CHRM3: variants seen among roughly 807,000 people sequenced by gnomAD.
CHRM3 encodes muscarinic acetylcholine receptor M3.
Under a neutral mutation model 41.8 loss-of-function variants are expected in CHRM3, and 11 were observed. That is an observed-to-expected ratio of 0.26 (90% CI 0.17 to 0.44). CHRM3 has a LOEUF of 0.44. CHRM3 is among the 20% of genes least tolerant of loss of function. CHRM3 has a pLI of 1.00. For missense variants in CHRM3, 571 were observed against 745.4 expected, an observed-to-expected ratio of 0.77 and a Z score of 2.72; for synonymous variants, 297 against 301.4, an observed-to-expected ratio of 0.99 and a Z score of 0.15.
At chr1:239,520,476 C>T (rs947227884) in intron 2 of CHRM3, among the ~76,000 whole-genome samples, 1 of 152,092 alleles carries the variant, frequency 6.6e-6, no homozygotes, top group Admixed American at 6.5e-5. Flanking sequence ...CTCTTGCTCC[C>T]AATCCCTCCA....
intron 6 of CHRM3, among the ~76,000 whole-genome samples, chr1:239,878,736 G>A (rs1255634307): frequency 2.2e-4 from 34 of 152,028 alleles, no homozygotes; most frequent in Admixed American, 2.2e-3. Flanking sequence ...TTAAGACCAG[G>A]CTTCTGCCCT....
At chr1:239,883,061 A>G (rs1677779128) in intron 6 of CHRM3, among the ~76,000 whole-genome samples, 3 of 152,242 alleles carry the variant, frequency 2.0e-5, no homozygotes, top group African/African-American at 7.2e-5. Flanking sequence ...ATAGTTCAGG[A>G]GAATTTTCTG....
chr1:239,848,898 A>G (rs12089760), intron 6 of CHRM3, among the ~76,000 whole-genome samples: 4,762 of 152,282 alleles, frequency 0.031, 251 homozygotes, highest in African/African-American at 0.11. Context: ...AGTTTTGAAC[A>G]TTCTTGGTCC....
intron 4 of CHRM3, among the ~76,000 whole-genome samples, chr1:239,666,503 T>G (rs1254652088): frequency 6.6e-6 from 1 of 152,102 alleles, no homozygotes. Flanking sequence ...GTTACTTATT[T>G]CTGGACAGTG....
At chr1:239,636,092 C>A (rs960771647) in intron 4 of CHRM3, among the ~76,000 whole-genome samples, 1 of 152,138 alleles carries the variant, frequency 6.6e-6, no homozygotes, top group African/African-American at 2.4e-5. Flanking sequence ...CATTTCTGAT[C>A]TATAATATTG....
chr1:239,895,094 T>C (rs12072293), intron 6 of CHRM3, among the ~76,000 whole-genome samples: 83,467 of 151,814 alleles, frequency 0.55, 24,074 homozygotes, highest in African/African-American at 0.75. Context: ...CATGACCAGA[T>C]GGACATTTGA....
chr1:239,504,952 A>G (rs1410342104), intron 2 of CHRM3, among the ~76,000 whole-genome samples: 1 of 152,078 alleles, frequency 6.6e-6, no homozygotes, highest in Non-Finnish European at 1.5e-5. Flanking sequence ...GACTACAAAT[A>G]TGGTGCAGTG....
chr1:239,806,183 A>T (rs962711066), intron 5 of CHRM3, among the ~76,000 whole-genome samples: 2 of 152,172 alleles, frequency 1.3e-5, no homozygotes, highest in Non-Finnish European at 2.9e-5. Context: ...CCTTTTTCCC[A>T]GCTTTGAACA....
chr1:239,896,545 T>C (rs1679020253), intron 6 of CHRM3, among the ~76,000 whole-genome samples: 1 of 152,212 alleles, frequency 6.6e-6, no homozygotes, highest in Non-Finnish European at 1.5e-5. Context: ...GACCTGATTC[T>C]TGAAGAGATG....
intron 5 of CHRM3, among the ~76,000 whole-genome samples, chr1:239,694,811 T>G (rs1013928930): frequency 1.3e-5 from 2 of 152,202 alleles, no homozygotes; most frequent in African/African-American, 4.8e-5. Context: ...AAAATCAGTA[T>G]CTTTTATTTT....
At position 239,457,970 on chromosome 1, in the gene CHRM3, T is replaced by C. The variant is rs577034636; in HGVS notation, c.-520-34739T>C. Reference sequence around the variant, plus strand: ...TTGTTTCTTATGGGAAGGTAGAAATTTGTGGGCTTCAATTCAGTCTCAGTT... The same window carrying C: ...TTGTTTCTTATGGGAAGGTAGAAATCTGTGGGCTTCAATTCAGTCTCAGTT... On this transcript the variant is annotated intron_variant, in intron 1 of 6. Coordinates refer to ENST00000676153, the MANE Select transcript of CHRM3 (RefSeq NM_001375978.1). Among the ~76,000 whole-genome samples, 3 of 152,190 alleles carry C rather than the reference T, an allele frequency of 2.0e-5. No individual in the cohort carries two copies. In the South Asian group the frequency reaches 6.2e-4, roughly 32 times the overall value.
intron 1 of CHRM3, among the ~76,000 whole-genome samples, chr1:239,460,021 G>A (rs1473176970): frequency 6.6e-6 from 1 of 152,118 alleles, no homozygotes; most frequent in Admixed American, 6.6e-5. Flanking sequence ...GGTACCAAGG[G>A]AGAAATCAAG....
chr1:239,496,433 T>C (rs956930576), intron 2 of CHRM3, among the ~76,000 whole-genome samples: 3 of 152,066 alleles, frequency 2.0e-5, no homozygotes, highest in Non-Finnish European at 4.4e-5. Context: ...CTGAAGAAGA[T>C]AATTGTACAA....
intron 6 of CHRM3, among the ~76,000 whole-genome samples, chr1:239,845,462 C>T (rs1043563805): frequency 6.6e-6 from 1 of 152,168 alleles, no homozygotes; most frequent in African/African-American, 2.4e-5. Flanking sequence ...CCTGAATCCA[C>T]AGGTTGAAAG....
chr1:239,399,253 T>A (rs1051039749), intron 1 of CHRM3, among the ~76,000 whole-genome samples: 1 of 152,120 alleles, frequency 6.6e-6, no homozygotes, highest in East Asian at 1.9e-4. Flanking sequence ...TATATATTTA[T>A]GGTGTACAGT....
chr1:239,900,929 A>C (rs1679498945), intron 6 of CHRM3, among the ~76,000 whole-genome samples: 1 of 152,192 alleles, frequency 6.6e-6, no homozygotes, highest in African/African-American at 2.4e-5. Context: ...CCCATTCTGC[A>C]TAGCAAATCA....
intron 5 of CHRM3, among the ~76,000 whole-genome samples, chr1:239,728,494 CTTTG>C (rs1663652824): frequency 6.6e-6 from 1 of 151,952 alleles, no homozygotes; most frequent in African/African-American, 2.4e-5. Context: ...ATCTTTGAAT[CTTTG>C]TTTGCCTATA....
In CHRM3 at chr1:239,664,905, C is replaced by T. The variant is rs534968811; in HGVS notation, c.-249-13281C>T. ...GCGGCTTTGCCAAATCTCCCTCTCC[C>T]TTCCTGTCCCTTCAAACCAATGTTC... On this transcript the variant is annotated intron_variant, in intron 4 of 6. Coordinates refer to ENST00000676153, the MANE Select transcript of CHRM3 (RefSeq NM_001375978.1). Among the ~76,000 whole-genome samples, 20 of 152,198 alleles carry T rather than the reference C, an allele frequency of 1.3e-4. No homozygotes were observed. The South Asian group carries it at 4.1e-3, about 32-fold the overall frequency.
chr1:239,539,567 T>A (rs1441228548), intron 2 of CHRM3, among the ~76,000 whole-genome samples: 1 of 152,246 alleles, frequency 6.6e-6, no homozygotes, highest in Non-Finnish European at 1.5e-5. Context: ...AATGATGTTT[T>A]GGTCAACGAT....
Sources: gnomAD v4.1 joint callset for allele counts (sites outside exome capture counted in the v4.1 genomes callset) on GRCh38, gnomAD v4.1.1 for gene constraint, MANE v1.5 for transcripts, NCBI Gene and HGNC (gene_info 2026-07-23, HGNC 2026-07-21) for gene names.